The following ZMIZ1 variants were observed in gnomAD, a reference collection of about 807,000 sequenced individuals.
ZMIZ1 encodes zinc finger MIZ domain-containing protein 1.
ZMIZ1 carries 17 observed loss-of-function variants against 113.9 expected under a neutral mutation model. The ratio of observed to expected loss-of-function variants is 0.15; its 90% CI spans 0.10 to 0.22. The LOEUF (loss-of-function observed/expected upper bound fraction) is 0.22. ZMIZ1 is among the 10% of genes least tolerant of loss of function. The probability of loss-of-function intolerance (pLI) is 1.00; values close to 1 mark genes in which losing one functional copy is unlikely to be tolerated. For synonymous variants in ZMIZ1, 607 were observed against 603.1 expected (o/e 1.01, Z -0.09); for missense variants, 1,059 against 1,477.8 (o/e 0.72, Z 4.65).
chr10:79,194,555 C>G (rs950148004), intron 4 of ZMIZ1, among the ~76,000 whole-genome samples: 7 of 152,212 alleles, frequency 4.6e-5, no homozygotes, highest in Non-Finnish European at 8.8e-5. Context: ...GTTTGCCTCC[C>G]CCAGCCGTTG....
At chr10:79,188,648 G>A (rs1161239530) in intron 4 of ZMIZ1, among the ~76,000 whole-genome samples, 1 of 71,928 alleles carries the variant, frequency 1.4e-5, no homozygotes, top group African/African-American at 5.8e-5. Flanking sequence ...CCCTCCCCCA[G>A]TCTTTTACCC....
At chr10:79,232,015 G>C (rs1458465684) in intron 7 of ZMIZ1, among the ~76,000 whole-genome samples, 2 of 152,180 alleles carry the variant, frequency 1.3e-5, no homozygotes, top group African/African-American at 4.8e-5. Context: ...ATGGGAGGAG[G>C]GTCAGTTTTT....
chr10:79,242,996 C>A (rs1051037897), intron 7 of ZMIZ1, among the ~76,000 whole-genome samples: 1 of 105,906 alleles, frequency 9.4e-6, no homozygotes, highest in Non-Finnish European at 2.0e-5. Context: ...GGCTGGGGGG[C>A]GGGGTGCGGA....
rs183138235 is a variant in ZMIZ1 at position 79,196,821 on chromosome 10, C to T, written c.-49-4763C>T. ...GAGAAAGTTCCTCTTGAGAGGTAGA[C>T]CCTTATGGGTCACTGACTTGCCCCT... On this transcript the variant is annotated intron_variant, in intron 4 of 24. Transcript: ENST00000334512. Among the ~76,000 whole-genome samples the T allele has an allele frequency of 1.4e-3, 209 of 152,348 alleles. 1 individual carries two copies. Among genetic ancestry groups the T allele is most frequent in the African/African-American group, 4.9e-3 (204 of 41,586 alleles).
Position 79,296,674 on chromosome 10 carries a change from C to T in ZMIZ1, c.1413+21C>T, listed in dbSNP as rs1853915568. The T allele has an allele frequency of 3.9e-6, 6 of 1,527,244 alleles. No individual in the cohort carries two copies. The highest frequency in any genetic ancestry group is 4.4e-6 in the Non-Finnish European group (5 of 1,136,132). 94.6% of individuals were successfully genotyped at this position (1,527,244 alleles called of 1,614,324 possible). On this transcript the variant is annotated intron_variant, in intron 13 of 24. Coordinates refer to ENST00000334512, the MANE Select transcript of ZMIZ1 (RefSeq NM_020338.4). The surrounding 1 kb of genome is among the most constrained non-coding windows in gnomAD (Gnocchi z 4.1). ...ACAAGGTGAGTCCCAGCCTCGCCAC[C>T]ACCCACGGGGCCCCTTCCCTCCTAA...
chr10:79,121,994 T>A (rs1295838775), intron 2 of ZMIZ1, among the ~76,000 whole-genome samples: 3 of 151,936 alleles, frequency 2.0e-5, no homozygotes, highest in Non-Finnish European at 4.4e-5. Flanking sequence ...TAAATGAAAA[T>A]GCAGAGCCCT....
intron 8 of ZMIZ1, among the ~76,000 whole-genome samples, chr10:79,278,730 T>C (rs1187372311): frequency 6.6e-6 from 1 of 151,986 alleles, no homozygotes; most frequent in Admixed American, 6.6e-5. Context: ...ACACAGCACA[T>C]GTTTCAGAGA....
chr10:79,225,457 C>T (rs1255619353), intron 7 of ZMIZ1, among the ~76,000 whole-genome samples: 2 of 152,014 alleles, frequency 1.3e-5, no homozygotes, highest in Non-Finnish European at 2.9e-5. Flanking sequence ...TGGCCGGGTG[C>T]AGTGGCTCAC....
rs752675425 is a variant in ZMIZ1 at position 79,201,289 on chromosome 10, CAA to C, written c.-49-294_-49-293del. On this transcript the variant is annotated intron_variant, in intron 4 of 24. Coordinates refer to ENST00000334512, the MANE Select transcript of ZMIZ1 (RefSeq NM_020338.4). The stretch of plus-strand genomic sequence containing the variant: ...CGCCATTGCACTCCAGCCTAGGTGA[CAA>C]GAGCAAAACTCCATCTCAAAAAAAA... Among the ~76,000 whole-genome samples the C allele has an allele frequency of 2.0e-5, 3 of 152,204 alleles. No individual in the cohort carries two copies. The South Asian group carries it at 6.2e-4, about 32-fold the overall frequency.
At chr10:79,175,702 C>G (rs1235683216) in intron 4 of ZMIZ1, among the ~76,000 whole-genome samples, 1 of 151,644 alleles carries the variant, frequency 6.6e-6, no homozygotes, top group Non-Finnish European at 1.5e-5. Flanking sequence ...CTCATCTCTG[C>G]CCATCCTTGG....
chr10:79,135,826 G>A (rs973260463), intron 2 of ZMIZ1, among the ~76,000 whole-genome samples: 1 of 152,188 alleles, frequency 6.6e-6, no homozygotes, highest in African/African-American at 2.4e-5. Flanking sequence ...TGTGCAAAGT[G>A]TCCCTCAAAG....
At chr10:79,206,504 A>G (rs917061767) in intron 5 of ZMIZ1, among the ~76,000 whole-genome samples, 3 of 152,236 alleles carry the variant, frequency 2.0e-5, no homozygotes, top group Non-Finnish European at 4.4e-5. Flanking sequence ...TCTGAGGGGC[A>G]TGCTTTAGAG....
chr10:79,217,611 A>G (rs1366560829), intron 7 of ZMIZ1, among the ~76,000 whole-genome samples: 2 of 152,248 alleles, frequency 1.3e-5, no homozygotes, highest in Admixed American at 1.3e-4. Flanking sequence ...ATATAGACAC[A>G]GCCTTCATGA....
At chr10:79,119,102 T>G (rs1249749471) in intron 2 of ZMIZ1, 78 bp downstream of exon 2, 2 of 152,206 alleles carry the variant, frequency 1.3e-5, no homozygotes, top group Non-Finnish European at 2.9e-5. Context: ...CTGCCCAGAG[T>G]GCATGGTGCT....
intron 1 of ZMIZ1, among the ~76,000 whole-genome samples, chr10:79,100,861 G>T (rs1011628843): frequency 2.0e-5 from 3 of 152,164 alleles, no homozygotes; most frequent in African/African-American, 7.2e-5. Flanking sequence ...GGTGCCCTTG[G>T]CCCTCAGGGC....
intron 1 of ZMIZ1, among the ~76,000 whole-genome samples, chr10:79,078,707 G>C (rs551725790): frequency 5.3e-4 from 50 of 93,914 alleles, no homozygotes; most frequent in African/African-American, 2.2e-3. Context: ...CCCATGCCCA[G>C]CTAATTTTTG....
intron 6 of ZMIZ1, among the ~76,000 whole-genome samples, chr10:79,213,064 C>T (rs1249630702): frequency 1.3e-5 from 2 of 152,110 alleles, no homozygotes; most frequent in Non-Finnish European, 2.9e-5. Context: ...ACCCCGCCAC[C>T]GTGGGTCAAG....
intron 3 of ZMIZ1, among the ~76,000 whole-genome samples, chr10:79,142,211 G>A (rs972817688): frequency 6.6e-6 from 1 of 152,174 alleles, no homozygotes; most frequent in Non-Finnish European, 1.5e-5. Flanking sequence ...CCTTTGAGAC[G>A]TTCAAGTGGA....
At chr10:79,132,548 AG>A (rs1227007846) in intron 2 of ZMIZ1, among the ~76,000 whole-genome samples, 1 of 152,216 alleles carries the variant, frequency 6.6e-6, no homozygotes, top group African/African-American at 2.4e-5. Context: ...TGCCCGTAAA[AG>A]TATACTACAT....
Sources: allele counts gnomAD v4.1 joint callset (sites outside exome capture counted in the v4.1 genomes callset), GRCh38; gene constraint gnomAD v4.1.1; non-coding constraint Gnocchi (gnomAD v3.1); transcripts MANE v1.5; gene names NCBI Gene and HGNC (gene_info 2026-07-23, HGNC 2026-07-21).